MEGF11: variants seen among roughly 807,000 people sequenced by gnomAD.
The protein encoded by MEGF11 is multiple EGF like domains 11, also known as multiple epidermal growth factor-like domains protein 11.
Under a neutral mutation model 146.6 loss-of-function variants are expected in MEGF11, and 126 were observed. The observed-to-expected ratio is 0.86, with a 90% CI of 0.74 to 1.00. MEGF11 has a LOEUF of 1.00. Ranked by LOEUF, MEGF11 falls within the 50% of genes least tolerant of loss-of-function variation. MEGF11 has a pLI of 0.00. For synonymous variants in MEGF11, 532 were observed against 583.4 expected, an observed-to-expected ratio of 0.91 and a Z score of 1.27; for missense variants, 1,509 against 1,521.2, an observed-to-expected ratio of 0.99 and a Z score of 0.13.
chr15:66,210,454 C>A (rs1428248712), intron 1 of MEGF11, among the ~76,000 whole-genome samples: 1 of 152,068 alleles, frequency 6.6e-6, no homozygotes, highest in Non-Finnish European at 1.5e-5. Flanking sequence ...GATTCTAGAA[C>A]CAGAGGAACA....
At chr15:66,171,645 G>A (rs1051751204) in intron 1 of MEGF11, among the ~76,000 whole-genome samples, 9 of 151,864 alleles carry the variant, frequency 5.9e-5, no homozygotes, top group Admixed American at 2.0e-4. Flanking sequence ...ACCACATGGG[G>A]ACTCCTCCCA....
intron 4 of MEGF11, among the ~76,000 whole-genome samples, chr15:66,111,251 C>T (rs932536256): frequency 8.5e-5 from 13 of 152,108 alleles, no homozygotes; most frequent in East Asian, 3.9e-4. Flanking sequence ...TTATTATGGT[C>T]GAAAGTTAGC....
chr15:66,063,454 G>A (rs4776277), intron 5 of MEGF11, among the ~76,000 whole-genome samples: 120,371 of 152,144 alleles, frequency 0.79, 50,758 homozygotes, highest in East Asian at 0.94. Context: ...TTTCTGATGG[G>A]CCCCTGGGGT....
intron 1 of MEGF11, among the ~76,000 whole-genome samples, chr15:66,249,820 T>C (rs2092346366): frequency 6.6e-6 from 1 of 152,156 alleles, no homozygotes; most frequent in Admixed American, 6.5e-5. Flanking sequence ...AACTTGGGAG[T>C]GTGGCCCAGT....
intron 5 of MEGF11, among the ~76,000 whole-genome samples, chr15:66,071,519 A>G (rs932142009): frequency 6.6e-6 from 1 of 152,210 alleles, no homozygotes; most frequent in East Asian, 1.9e-4. Context: ...TGAATTATGA[A>G]AGAGAATCGC....
In MEGF11 at chr15:65,982,555, C is replaced by T. The variant is rs1270816635; in HGVS notation, c.395-67G>A. On this transcript the variant is annotated intron_variant, in intron 5 of 25. Transcript: ENST00000395614. The surrounding 1 kb of genome is among the most constrained non-coding windows in gnomAD (Gnocchi z 5.6). ...CTCTCCTTGGGGCAGGGGCCAGGAACCGATGCCCATGCGGCCTTCCCATCT... is the reference window on the plus strand; with the variant it reads ...CTCTCCTTGGGGCAGGGGCCAGGAATCGATGCCCATGCGGCCTTCCCATCT... The T allele has an allele frequency of 2.1e-6, 3 of 1,409,820 alleles. No homozygotes were observed. The highest frequency in any genetic ancestry group is 2.8e-6 in the Non-Finnish European group (3 of 1,084,930). 87.3% of individuals were successfully genotyped at this position (1,409,820 alleles called of 1,614,324 possible).
At chr15:66,211,326 A>T (rs1207234145) in intron 1 of MEGF11, among the ~76,000 whole-genome samples, 1 of 152,176 alleles carries the variant, frequency 6.6e-6, no homozygotes, top group South Asian at 2.1e-4. Context: ...GATCGAGACC[A>T]TCTTGGCTAA....
At chr15:66,105,702 G>A (rs961068545) in intron 4 of MEGF11, among the ~76,000 whole-genome samples, 4 of 152,356 alleles carry the variant, frequency 2.6e-5, no homozygotes, top group East Asian at 3.9e-4. Flanking sequence ...CCCTGCGGCT[G>A]TTTCAGAGAG....
At chr15:66,004,587 C>T (rs2082465725) in intron 5 of MEGF11, among the ~76,000 whole-genome samples, 1 of 152,116 alleles carries the variant, frequency 6.6e-6, no homozygotes. Flanking sequence ...TCAACAGCCA[C>T]CATTCCCTGA....
chr15:66,101,047 G>A (rs981936623), intron 4 of MEGF11, among the ~76,000 whole-genome samples: 2 of 151,874 alleles, frequency 1.3e-5, no homozygotes, highest in African/African-American at 4.8e-5. Context: ...AGGCGGGTGA[G>A]TGAGCCAGTG....
At chr15:65,902,788 C>T (rs557879477) in intron 24 of MEGF11, among the ~76,000 whole-genome samples, 1 of 152,340 alleles carries the variant, frequency 6.6e-6, no homozygotes, top group Non-Finnish European at 1.5e-5. Flanking sequence ...TGCCTCCCCA[C>T]ATAGTCATAC....
Position 66,183,904 on chromosome 15 carries a change from A to G in MEGF11, c.-8-55493T>C, listed in dbSNP as rs370147961. 1.6e-4 allele frequency among the ~76,000 whole-genome samples: 24 copies of G among 152,358 alleles called. No homozygotes were observed. In the East Asian group the frequency reaches 4.0e-3, roughly 26 times the overall value. ...ATATAAATTGAGCAGCAAAGTCCAA[A>G]TAAGATTCTATATGCAGTGTGGATG... is the stretch of plus-strand genomic sequence containing the variant. On this transcript the variant is annotated intron_variant, in intron 1 of 25. Coordinates refer to ENST00000395614, the MANE Select transcript of MEGF11 (RefSeq NM_001385028.1).
At chr15:66,237,772 G>A (rs1226781001) in intron 1 of MEGF11, among the ~76,000 whole-genome samples, 1 of 152,184 alleles carries the variant, frequency 6.6e-6, no homozygotes, top group East Asian at 1.9e-4. Context: ...CCTTCCCATG[G>A]ATGGCCAGGA....
chr15:65,966,816 C>T (rs2081116869), intron 8 of MEGF11, among the ~76,000 whole-genome samples: 1 of 152,064 alleles, frequency 6.6e-6, no homozygotes, highest in South Asian at 2.1e-4. Flanking sequence ...TGACCCCCCA[C>T]TGCTGACCAC....
chr15:65,932,150 C>A (rs1363451187), intron 10 of MEGF11, among the ~76,000 whole-genome samples: 22 of 152,202 alleles, frequency 1.4e-4, no homozygotes, highest in Non-Finnish European at 1.5e-5. Flanking sequence ...ACAGTAACTT[C>A]TGCTGATCTG....
At chr15:65,965,860 TA>T in intron 8 of MEGF11, among the ~76,000 whole-genome samples, 1 of 152,238 alleles carries the variant, frequency 6.6e-6, no homozygotes, top group South Asian at 2.1e-4. Flanking sequence ...TTGACTGTTT[TA>T]ACCACGTACA....
intron 5 of MEGF11, among the ~76,000 whole-genome samples, chr15:66,022,481 C>G (rs2083181498): frequency 6.6e-6 from 1 of 152,194 alleles, no homozygotes; most frequent in Non-Finnish European, 1.5e-5. Flanking sequence ...TACATAATTT[C>G]AAGGAGTTCA....
chr15:65,909,944 C>T (rs1044760414), intron 21 of MEGF11, 138 bp from the exon 22 acceptor site: 10 of 749,668 alleles, frequency 1.3e-5, no homozygotes, highest in Admixed American at 2.0e-5. Context: ...AGAGAAAGGG[C>T]GAGCTAGGTG....
intron 5 of MEGF11, among the ~76,000 whole-genome samples, chr15:66,082,690 A>AAAAAAAAAAAAG (rs1567232520): frequency 6.8e-6 from 1 of 147,594 alleles, no homozygotes; most frequent in Non-Finnish European, 1.5e-5. Flanking sequence ...AAAAAAAAAA[A>AAAAAAAAAAAAG]GGGCGGTGCG....
Sources: allele counts gnomAD v4.1 joint callset (sites outside exome capture counted in the v4.1 genomes callset), GRCh38; gene constraint gnomAD v4.1.1; non-coding constraint Gnocchi (gnomAD v3.1); transcripts MANE v1.5; gene names NCBI Gene and HGNC (gene_info 2026-07-23, HGNC 2026-07-21).